Variants in GCG observed in about 807,000 individuals in gnomAD.
GCG encodes pro-glucagon.
Under a neutral mutation model 22.8 loss-of-function variants are expected in GCG, and 11 were observed. The ratio of observed to expected loss-of-function variants is 0.48; its 90% CI spans 0.30 to 0.80. The LOEUF is 0.80. Among genes scored for constraint, GCG ranks in the 30% least tolerant of loss-of-function variants. GCG has a pLI of 0.06. For missense variants in GCG, 222 were observed against 222.0 expected (o/e 1.00, Z 0.00); for synonymous variants, 89 against 72.4 (o/e 1.23, Z -1.16).
chr2:162,145,771 T>A lies in GCG; in HGVS notation c.255-94A>T, dbSNP rs180922900. 8 of 994,136 alleles carry A rather than the reference T, an allele frequency of 8.0e-6. No individual in the cohort carries two copies. The Admixed American group carries it at 1.7e-4, about 21-fold the overall frequency. The allele number at this position is 994,136 out of a possible 1,614,324, so 61.6% of individuals were successfully genotyped here. On this transcript the variant is annotated intron_variant, in intron 3 of 5. Coordinates refer to ENST00000418842, the MANE Select transcript of GCG (RefSeq NM_002054.5). ...TGGCAACTTTGGGTTCAGGATTCTA[T>A]GTAGAAGGGGCTTAGGGAGTTTAGG...
intron 1 of GCG, among the ~76,000 whole-genome samples, chr2:162,150,908 G>A (rs971327206): frequency 6.6e-6 from 1 of 151,942 alleles, no homozygotes; most frequent in Non-Finnish European, 1.5e-5. Flanking sequence ...AAAGAAGTGA[G>A]CGTTCCGTAT....
chr2:162,146,738 G>T (rs866656154), intron 3 of GCG, among the ~76,000 whole-genome samples: 2 of 152,026 alleles, frequency 1.3e-5, no homozygotes, highest in Middle Eastern at 6.8e-3. Context: ...TGAAACCCTT[G>T]CGGATAATTT....
rs760999415 is a variant in GCG at position 162,147,334 on chromosome 2, GC to G, written c.254+18del. On this transcript the variant is annotated intron_variant, in intron 3 of 5. Coordinates refer to ENST00000418842, the MANE Select transcript of GCG (RefSeq NM_002054.5). ...TAATACATTTATAAGCAAGTTTTGA[GC>G]CAGGCTTAGACTCTTACCTGTTCCT... is the stretch of plus-strand genomic sequence containing the variant. 6 of 1,589,480 alleles carry G rather than the reference GC, an allele frequency of 3.8e-6. No homozygotes were observed. In the East Asian group the frequency reaches 1.3e-4, roughly 36 times the overall value.
chr2:162,150,803 A>C (rs1686815068), intron 1 of GCG, among the ~76,000 whole-genome samples: 2 of 152,146 alleles, frequency 1.3e-5, no homozygotes, highest in South Asian at 4.1e-4. Context: ...GCGTTTTGCA[A>C]TATCTCCTAT....
At chr2:162,150,548 A>T (rs1686808668) in intron 1 of GCG, among the ~76,000 whole-genome samples, 1 of 152,118 alleles carries the variant, frequency 6.6e-6, no homozygotes, top group Non-Finnish European at 1.5e-5. Flanking sequence ...TCAACATCAA[A>T]TTACCAATTT....
intron 3 of GCG, among the ~76,000 whole-genome samples, chr2:162,146,683 T>G (rs1478685738): frequency 1.3e-5 from 2 of 151,964 alleles, no homozygotes; most frequent in Non-Finnish European, 2.9e-5. Flanking sequence ...TCCCTTCCTC[T>G]TGTGGGCCAC....
At chr2:162,150,164 C>T (rs749424474) in intron 1 of GCG, among the ~76,000 whole-genome samples, 11 of 152,096 alleles carry the variant, frequency 7.2e-5, no homozygotes, top group Non-Finnish European at 1.6e-4. Flanking sequence ...GCAAGCGCTT[C>T]TATTTTCTGA....
At chr2:162,151,699 T>C (rs1686841527) in intron 1 of GCG, among the ~76,000 whole-genome samples, 1 of 152,190 alleles carries the variant, frequency 6.6e-6, no homozygotes, top group East Asian at 1.9e-4. Context: ...TTTGCTCTTT[T>C]GGAAAACCAG....
chr2:162,151,892 T>C (rs1686847238), intron 1 of GCG, among the ~76,000 whole-genome samples: 1 of 152,190 alleles, frequency 6.6e-6, no homozygotes, highest in African/African-American at 2.4e-5. Flanking sequence ...TTAAGTATTA[T>C]AACAAGTGCA....
chr2:162,147,371 A>G lies in GCG; in HGVS notation c.236T>C (p.Met79Thr), dbSNP rs754815067. Residue 79 changes from methionine (M) to threonine (T), a missense_variant, in exon 3 of 6, where the codon ATG (methionine) becomes ACG (threonine). By Grantham distance (81) the Met-to-Thr change is moderately conservative (BLOSUM62 -1). Transcript: ENST00000418842. Reference protein sequence around the residue: ...RRAQDFVQWLMNTKRNRNNIA... With the variant: ...RRAQDFVQWLTNTKRNRNNIA... ...CTCTTACCTGTTCCTCTTGGTATTCATCAACCACTGCACAAAATCTTGGGC... is the reference window on the plus strand; with the variant it reads ...CTCTTACCTGTTCCTCTTGGTATTCGTCAACCACTGCACAAAATCTTGGGC... 1.5e-5 allele frequency: 24 copies of G among 1,612,942 alleles called. No homozygotes were observed. The highest frequency in any genetic ancestry group is 2.0e-5 in the Non-Finnish European group (23 of 1,179,234).
chr2:162,147,696 A>T, intron 2 of GCG, 182 bp from the exon 3 acceptor site: 2 of 713,752 alleles, frequency 2.8e-6, no homozygotes, highest in African/African-American at 3.5e-5. Flanking sequence ...GTTTTAGTAT[A>T]GTTGCATACG....
intron 5 of GCG, 170 bp downstream of exon 5, chr2:162,143,857 A>G (rs1347335335): frequency 3.4e-5 from 22 of 647,256 alleles, no homozygotes; most frequent in Non-Finnish European, 6.0e-5. Context: ...CTGTAATGAT[A>G]CAAAACAAAC....
At chr2:162,147,191 G>A (rs1370613075) in intron 3 of GCG, among the ~76,000 whole-genome samples, 162 bp downstream of exon 3, 2 of 151,984 alleles carry the variant, frequency 1.3e-5, no homozygotes, top group African/African-American at 4.8e-5. Flanking sequence ...GACATTCGGG[G>A]GCATAATACT....
rs760205603 is a variant in GCG, at chr2:162,149,086, C to T, written c.92+1G>A. The T allele has an allele frequency of 7.6e-6, 12 of 1,584,856 alleles. No individual in the cohort carries two copies. Among genetic ancestry groups the T allele is most frequent in the African/African-American group, 2.7e-5 (2 of 74,314 alleles). On this transcript the variant is annotated splice_donor_variant, in intron 2 of 5. Transcript: ENST00000418842. LOFTEE classifies it high-confidence loss of function. ...TTAGTTCGAGACTACGGATTTAATA[C>T]CTGGATTTCTCCTCTGTGTCTTGAA...
chr2:162,145,712 T>C, intron 3 of GCG, 35 bp from the exon 4 acceptor site: 1 of 1,595,452 alleles, frequency 6.3e-7, no homozygotes, highest in Non-Finnish European at 8.6e-7. Context: ...TGAAGATCTG[T>C]CTCTTTGGCA....
intron 5 of GCG, among the ~76,000 whole-genome samples, chr2:162,143,738 T>C (rs1190230237): frequency 1.3e-5 from 2 of 152,220 alleles, no homozygotes; most frequent in Non-Finnish European, 2.9e-5. Flanking sequence ...TGACAATATG[T>C]GAATGATGTA....
intron 2 of GCG, among the ~76,000 whole-genome samples, 174 bp downstream of exon 2, chr2:162,148,913 A>G (rs1236344406): frequency 7.9e-6 from 1 of 126,508 alleles, no homozygotes; most frequent in Admixed American, 7.6e-5. Flanking sequence ...AAAAAACACA[A>G]ACTCTGATCT....
intron 5 of GCG, 101 bp from the exon 6 acceptor site, chr2:162,143,471 T>A (rs1686603240): frequency 3.8e-6 from 2 of 529,508 alleles, no homozygotes; most frequent in East Asian, 3.1e-5. Flanking sequence ...ATAAAAGTTG[T>A]TTATTAATCC....
chr2:162,151,990 T>C (rs2106199269), intron 1 of GCG, among the ~76,000 whole-genome samples, 168 bp downstream of exon 1: 1 of 152,342 alleles, frequency 6.6e-6, no homozygotes, highest in African/African-American at 2.4e-5. Context: ...TATATTAAAG[T>C]ACACGTAAAT....
Sources: allele counts gnomAD v4.1 joint callset (sites outside exome capture counted in the v4.1 genomes callset), GRCh38; gene constraint gnomAD v4.1.1; transcripts MANE v1.5; gene names NCBI Gene and HGNC (gene_info 2026-07-23, HGNC 2026-07-21).